The following TAF4 variants were observed in gnomAD, a reference collection of about 807,000 sequenced individuals.
TAF4 encodes the protein TATA-box binding protein associated factor 4.
Under a neutral mutation model 90.3 loss-of-function variants are expected in TAF4, and 9 were observed. That is an observed-to-expected ratio of 0.10 (90% CI 0.06 to 0.17). The LOEUF is 0.17. Among genes scored for constraint, TAF4 ranks in the 10% least tolerant of loss-of-function variants. TAF4 has a pLI of 1.00. For synonymous variants in TAF4, 818 were observed against 638.9 expected, an observed-to-expected ratio of 1.28 and a Z score of -4.23; for missense variants, 1,351 against 1,370.7, an observed-to-expected ratio of 0.99 and a Z score of 0.23.
intron 1 of TAF4, among the ~76,000 whole-genome samples, chr20:62,035,827 A>G (rs1190109237): frequency 6.6e-6 from 1 of 152,176 alleles, no homozygotes; most frequent in Non-Finnish European, 1.5e-5. Flanking sequence ...AGGAACAGTA[A>G]CCAGAATATG....
At chr20:62,012,477 C>G (rs2055784787) in intron 3 of TAF4, 2 of 187,140 alleles carry the variant, frequency 1.1e-5, no homozygotes, top group African/African-American at 4.7e-5. Flanking sequence ...ACACACTGTC[C>G]TCACCGCAGG....
At chr20:62,014,046 ATGTGTGTG>A (rs994940148) in intron 2 of TAF4, among the ~76,000 whole-genome samples, 1 of 74,084 alleles carries the variant, frequency 1.3e-5, no homozygotes, top group African/African-American at 5.0e-5. Flanking sequence ...GTGTGTGTGT[ATGTGTGTG>A]TGTGTGTGTG....
At chr20:62,022,779 G>C (rs763628361) in intron 1 of TAF4, among the ~76,000 whole-genome samples, 7 of 152,174 alleles carry the variant, frequency 4.6e-5, no homozygotes, top group Non-Finnish European at 8.8e-5. Flanking sequence ...TGTGCTGCCC[G>C]GCGCAGGCGC....
rs370500200 is a variant in TAF4, at chr20:62,006,720, G to A, written c.2013C>T (p.Ser671=). 72 of 1,566,424 alleles carry A rather than the reference G, an allele frequency of 4.6e-5. No individual in the cohort carries two copies. The highest frequency in any genetic ancestry group is 4.2e-4 in the East Asian group (18 of 42,732). Residue 671 remains serine (S), a synonymous_variant, in exon 7 of 15, where the codon TCC becomes TCT. Transcript: ENST00000252996. The surrounding 1 kb of genome is among the most constrained non-coding windows in gnomAD (Gnocchi z 7.0). The part of the protein sequence containing the change: ...LPALRQLTPD[S]AAFIQQSQQQ... The stretch of plus-strand genomic sequence containing the variant: ...GCTGGCTCTGCTGGATGAAGGCCGC[G>A]GAGTCGGGGGTCAGCTGTCTCAAGG...
intron 9 of TAF4, among the ~76,000 whole-genome samples, chr20:62,001,373 T>C (rs1047754764): frequency 5.3e-5 from 8 of 152,190 alleles, no homozygotes; most frequent in Non-Finnish European, 1.0e-4. Context: ...CCTCAGCCTC[T>C]CCTGACTCCT....
Position 62,064,748 on chromosome 20 carries a change from G to T in TAF4, c.1063C>A (p.Pro355Thr). The change falls in exon 1 of 15, where the codon CCC (proline) becomes ACC (threonine). Residue 355 changes from proline (P) to threonine (T), a missense_variant. By Grantham distance (38) the Pro-to-Thr change is conservative (BLOSUM62 -1). This residue lies in a region of TAF4 where 782 missense variants were observed against 536.6 expected (regional missense o/e 1.46). Coordinates refer to ENST00000252996, the MANE Select transcript of TAF4 (RefSeq NM_003185.4). The stretch of plus-strand genomic sequence containing the variant: ...GCCGCCAGGGTCTGCGCCGCCGGGG[G>T]CGCCGCCTGCACCACCCTCTTGGGC... The part of the protein sequence containing the change: ...ESPKRVVQAA[P>T]PAAQTLAASG... The T allele has an allele frequency of 2.6e-6, 3 of 1,168,912 alleles. No individual in the cohort carries two copies. The highest frequency in any genetic ancestry group is 3.1e-6 in the Non-Finnish European group (3 of 952,502). The allele number at this position is 1,168,912 out of a possible 1,614,324, so 72.4% of individuals were successfully genotyped here.
chr20:62,053,828 A>C lies in TAF4; in HGVS notation c.1360+10623T>G, dbSNP rs112608479. Reference sequence around the variant, plus strand: ...GACAATGACCAAGTCTTCTCGGCTGAAACTAGGGAGAGGCCTGCATCACTT... The same window carrying C: ...GACAATGACCAAGTCTTCTCGGCTGCAACTAGGGAGAGGCCTGCATCACTT... On this transcript the variant is annotated intron_variant, in intron 1 of 14. Coordinates refer to ENST00000252996, the MANE Select transcript of TAF4 (RefSeq NM_003185.4). Among the ~76,000 whole-genome samples, 21 of 152,368 alleles carry C rather than the reference A, an allele frequency of 1.4e-4. 1 individual carries two copies. Among genetic ancestry groups the C allele is most frequent in the African/African-American group, 5.0e-4 (21 of 41,598 alleles).
At chr20:62,001,730 T>C (rs1025350263) in intron 9 of TAF4, among the ~76,000 whole-genome samples, 4 of 152,102 alleles carry the variant, frequency 2.6e-5, no homozygotes, top group African/African-American at 9.7e-5. Flanking sequence ...GACCCGGCCA[T>C]GGGAGGGAGG....
intron 14 of TAF4, among the ~76,000 whole-genome samples, chr20:61,985,111 C>T (rs544883827): frequency 9.5e-6 from 1 of 105,810 alleles, no homozygotes; most frequent in Non-Finnish European, 2.2e-5. Flanking sequence ...TCTGACTCTC[C>T]GGACCATGGC....
intron 4 of TAF4, among the ~76,000 whole-genome samples, chr20:62,009,448 T>C (rs2055765787): frequency 6.6e-6 from 1 of 152,194 alleles, no homozygotes; most frequent in Non-Finnish European, 1.5e-5. Context: ...AAAGAGACTC[T>C]GCGAAGATGC....
At chr20:62,053,539 T>G (rs987002293) in intron 1 of TAF4, among the ~76,000 whole-genome samples, 1 of 152,222 alleles carries the variant, frequency 6.6e-6, no homozygotes, top group African/African-American at 2.4e-5. Context: ...ACGTTTATGC[T>G]GAGAAGCGGC....
intron 14 of TAF4, among the ~76,000 whole-genome samples, chr20:61,989,153 C>A (rs1404209128): frequency 6.6e-6 from 1 of 152,082 alleles, no homozygotes; most frequent in Non-Finnish European, 1.5e-5. Flanking sequence ...AGGACCCCTT[C>A]GACATGGAAG....
chr20:62,041,637 A>G (rs956153678), intron 1 of TAF4, among the ~76,000 whole-genome samples: 1 of 152,024 alleles, frequency 6.6e-6, no homozygotes, highest in African/African-American at 2.4e-5. Flanking sequence ...TCAAAAAAAA[A>G]AGAAAAAAGA....
chr20:62,062,948 G>A (rs2056097730), intron 1 of TAF4, among the ~76,000 whole-genome samples: 1 of 152,190 alleles, frequency 6.6e-6, no homozygotes, highest in South Asian at 2.1e-4. Flanking sequence ...CATTGTGACA[G>A]TTTACATAAT....
At chr20:62,020,312 A>G (rs1297488007) in intron 1 of TAF4, among the ~76,000 whole-genome samples, 4 of 152,164 alleles carry the variant, frequency 2.6e-5, no homozygotes, top group Non-Finnish European at 4.4e-5. Flanking sequence ...AGGGGCTCTC[A>G]GCCCCAGCTC....
chr20:61,998,631 G>A (rs773779975), intron 12 of TAF4, among the ~76,000 whole-genome samples: 19 of 152,172 alleles, frequency 1.2e-4, no homozygotes, highest in Non-Finnish European at 2.6e-4. Context: ...TTCTATTAAT[G>A]AGCAGTGCCT....
chr20:61,983,346 A>C (rs1426613350), intron 14 of TAF4, among the ~76,000 whole-genome samples: 1 of 152,222 alleles, frequency 6.6e-6, no homozygotes, highest in Non-Finnish European at 1.5e-5. Flanking sequence ...CTCACAGAAA[A>C]AGAAACACAG....
At chr20:62,061,153 GC>G (rs1456237196) in intron 1 of TAF4, among the ~76,000 whole-genome samples, 1 of 152,188 alleles carries the variant, frequency 6.6e-6, no homozygotes, top group Admixed American at 6.5e-5. Context: ...GCCACCACTG[GC>G]CACCAGAACT....
intron 1 of TAF4, among the ~76,000 whole-genome samples, chr20:62,055,157 G>T (rs2056053507): frequency 1.3e-5 from 2 of 151,202 alleles, no homozygotes; most frequent in South Asian, 4.2e-4. Context: ...GGGCAGTCCT[G>T]CAATACAATC....
Sources: gnomAD v4.1 joint callset for allele counts (sites outside exome capture counted in the v4.1 genomes callset) on GRCh38, gnomAD v4.1.1 for gene constraint, gnomAD v4.1.1 regional missense constraint, Gnocchi (gnomAD v3.1) non-coding constraint, MANE v1.5 for transcripts, NCBI Gene and HGNC (gene_info 2026-07-23, HGNC 2026-07-21) for gene names.